Variants in FOXP2 observed in about 807,000 individuals in gnomAD.
FOXP2 encodes forkhead box protein P2.
In FOXP2, 12 loss-of-function variants were observed where a neutral mutation model predicts 115.8. The ratio of observed to expected loss-of-function variants is 0.10; its 90% CI spans 0.07 to 0.17. FOXP2 has a LOEUF of 0.17. Among genes scored for constraint, FOXP2 ranks in the 10% least tolerant of loss-of-function variants. The pLI, the probability that FOXP2 is intolerant of heterozygous loss-of-function variation, is 1.00. For synonymous variants in FOXP2, 328 were observed against 297.7 expected, an observed-to-expected ratio of 1.10 and a Z score of -1.05; for missense variants, 629 against 843.5, an observed-to-expected ratio of 0.75 and a Z score of 3.15.
chr7:114,297,612 G>A (rs1796775735), intron 2 of FOXP2, among the ~76,000 whole-genome samples: 1 of 152,210 alleles, frequency 6.6e-6, no homozygotes, highest in Non-Finnish European at 1.5e-5. Context: ...CCATCTGAAA[G>A]AAGTCCTTGA....
At chr7:114,425,706 A>G (rs1156562234) in intron 1 of FOXP2, among the ~76,000 whole-genome samples, 1 of 151,628 alleles carries the variant, frequency 6.6e-6, no homozygotes, top group Non-Finnish European at 1.5e-5. Flanking sequence ...AATTAATTTT[A>G]TATCTTTCAT....
intron 2 of FOXP2, among the ~76,000 whole-genome samples, chr7:114,351,447 G>A (rs1791487561): frequency 6.6e-6 from 1 of 152,012 alleles, no homozygotes; most frequent in African/African-American, 2.4e-5. Flanking sequence ...GTGCTATAAA[G>A]CACATTGGTG....
At chr7:114,135,967 G>A (rs887552697) in intron 1 of FOXP2, among the ~76,000 whole-genome samples, 8 of 152,020 alleles carry the variant, frequency 5.3e-5, no homozygotes, top group African/African-American at 1.7e-4. Context: ...TTGTTTGAAT[G>A]TCTTGTATAC....
chr7:114,454,750 TC>T (rs1260407337), intron 2 of FOXP2, among the ~76,000 whole-genome samples: 2 of 131,480 alleles, frequency 1.5e-5, no homozygotes, highest in African/African-American at 6.3e-5. Flanking sequence ...ATCATCATTC[TC>T]AGTAAACTAT....
chr7:114,193,880 G>A (rs1042211569), intron 1 of FOXP2, among the ~76,000 whole-genome samples: 1 of 152,202 alleles, frequency 6.6e-6, no homozygotes, highest in African/African-American at 2.4e-5. Flanking sequence ...AGTTAGCTAA[G>A]GACATCAAAA....
intron 2 of FOXP2, among the ~76,000 whole-genome samples, chr7:114,326,676 AC>A (rs1180624582): frequency 6.6e-6 from 1 of 152,182 alleles, no homozygotes; most frequent in Non-Finnish European, 1.5e-5. Flanking sequence ...TACAGTATTT[AC>A]CAGATATTGA....
Position 114,692,090 on chromosome 7 carries a change from T to C in FOXP2, c.*2164T>C, listed in dbSNP as rs1232979003. ...TTACAATATGGTATTAAAAGAAAGA[T>C]GGGTATGGTGAAAGATGGTTTTCAG... On this transcript the variant is annotated 3_prime_UTR_variant, in exon 17 of 17. Transcript: ENST00000350908. 1 of 453,770 alleles carries C rather than the reference T, an allele frequency of 2.2e-6. No homozygotes were observed. The highest frequency in any genetic ancestry group is 2.0e-5 in the African/African-American group (1 of 49,938). 28.1% of individuals were successfully genotyped at this position (453,770 alleles called of 1,614,324 possible). A position where few individuals can be genotyped will look rare whatever the true frequency, so the allele number is the denominator to read the frequency against.
chr7:114,383,699 T>A (rs1402141348), intron 2 of FOXP2, among the ~76,000 whole-genome samples: 1 of 152,042 alleles, frequency 6.6e-6, no homozygotes, highest in Non-Finnish European at 1.5e-5. Context: ...AGAATATAAG[T>A]CGTTTCTTTC....
intron 3 of FOXP2, among the ~76,000 whole-genome samples, chr7:114,546,164 C>G (rs773016527): frequency 6.6e-6 from 1 of 152,198 alleles, no homozygotes; most frequent in Non-Finnish European, 1.5e-5. Context: ...ACTGGGGCAT[C>G]TCAACCTAGA....
chr7:114,375,652 C>A (rs12705960), intron 2 of FOXP2, among the ~76,000 whole-genome samples: 67,192 of 151,936 alleles, frequency 0.44, 16,322 homozygotes, highest in East Asian at 0.62. Context: ...GATAAGAGAT[C>A]CTAAGTCTTA....
At chr7:114,414,559 A>G (rs1793253498), upstream of FOXP2, 4 of 155,200 alleles carry the variant, frequency 2.6e-5, no homozygotes, top group Admixed American at 2.5e-4. Context: ...AATTGATGGT[A>G]TCTAGTGTTC....
chr7:114,604,765 C>T (rs1390324653), intron 3 of FOXP2, among the ~76,000 whole-genome samples: 1 of 152,160 alleles, frequency 6.6e-6, no homozygotes, highest in East Asian at 1.9e-4. Flanking sequence ...TCCAAGCTTG[C>T]TTAGGCCTCT....
At chr7:114,286,117 AT>A (rs1178414771) in intron 1 of FOXP2, among the ~76,000 whole-genome samples, 1 of 151,784 alleles carries the variant, frequency 6.6e-6, no homozygotes, top group Non-Finnish European at 1.5e-5. Flanking sequence ...TTTCTGCCCG[AT>A]TCTTAGATCA....
At chr7:114,628,700 GT>G in intron 4 of FOXP2, 23 bp downstream of exon 4, 1 of 1,613,794 alleles carries the variant, frequency 6.2e-7, no homozygotes, top group Non-Finnish European at 8.5e-7. Flanking sequence ...ACCTGCTTTG[GT>G]GTTCTAGCAT....
intron 1 of FOXP2, among the ~76,000 whole-genome samples, chr7:114,157,988 C>G (rs1171099430): frequency 6.6e-6 from 1 of 151,680 alleles, no homozygotes; most frequent in African/African-American, 2.4e-5. Context: ...TTTAAGAAAA[C>G]AAACAAAAAG....
At chr7:114,379,519 G>A (rs2129191358) in intron 2 of FOXP2, among the ~76,000 whole-genome samples, 1 of 152,230 alleles carries the variant, frequency 6.6e-6, no homozygotes. Flanking sequence ...TTGTGCAGTT[G>A]AGATTTTCTC....
chr7:114,507,632 A>G (rs1199654389), intron 2 of FOXP2, among the ~76,000 whole-genome samples: 1 of 151,954 alleles, frequency 6.6e-6, no homozygotes, highest in Middle Eastern at 3.2e-3. Flanking sequence ...AGTTTTGGTA[A>G]TAATATTGGC....
At chr7:114,612,253 G>C (rs563293388) in intron 3 of FOXP2, among the ~76,000 whole-genome samples, 1 of 151,890 alleles carries the variant, frequency 6.6e-6, no homozygotes, top group Non-Finnish European at 1.5e-5. Flanking sequence ...CCTATATTAC[G>C]CCCAGCTGCC....
chr7:114,355,539 A>C (rs1791599224), intron 2 of FOXP2, among the ~76,000 whole-genome samples: 1 of 152,148 alleles, frequency 6.6e-6, no homozygotes, highest in Non-Finnish European at 1.5e-5. Context: ...GGCTCAGATG[A>C]AATTTTTTTT....
Sources: allele counts gnomAD v4.1 joint callset (sites outside exome capture counted in the v4.1 genomes callset), GRCh38; gene constraint gnomAD v4.1.1; transcripts MANE v1.5; gene names NCBI Gene and HGNC (gene_info 2026-07-23, HGNC 2026-07-21).